Variants in ROS1 observed in about 807,000 individuals in gnomAD.
ROS1 encodes the protein ROS proto-oncogene 1, receptor tyrosine kinase.
Under a neutral mutation model 273.5 loss-of-function variants are expected in ROS1, and 263 were observed. That is an observed-to-expected ratio of 0.96 (90% CI 0.87 to 1.06). The LOEUF is 1.06. ROS1 is among the 50% of genes least tolerant of loss of function. ROS1 has a pLI of 0.00. For missense variants in ROS1, 2,833 were observed against 2,751.1 expected (o/e 1.03, Z -0.67); for synonymous variants, 1,008 against 954.1 (o/e 1.06, Z -1.04).
chr6:117,394,738 A>G lies in ROS1; in HGVS notation c.884T>C (p.Val295Ala), dbSNP rs1322402703. The change falls in exon 10 of 44, where the codon GTT (valine) becomes GCT (alanine). Residue 295 changes from valine to alanine, a missense_variant and splice_region_variant. Transcript: ENST00000368507. ...ESSITTSSSA[V>A]QQEEQWLFLS... is the part of the protein sequence containing the mutation. ...AAAGAGCCACTGTTCCTCTTGTTGAACTGAAAAAAACAACACAATTTGCAG... is the reference window on the plus strand; with the variant it reads ...AAAGAGCCACTGTTCCTCTTGTTGAGCTGAAAAAAACAACACAATTTGCAG... The G allele has an allele frequency of 8.1e-6, 13 of 1,604,952 alleles. No homozygotes were observed. The highest frequency in any genetic ancestry group is 1.0e-5 in the Non-Finnish European group (12 of 1,176,702).
chr6:117,318,156 C>T (rs763091030), intron 38 of ROS1, 32 bp downstream of exon 38: 1 of 1,561,722 alleles, frequency 6.4e-7, no homozygotes. Context: ...AAACTTCTTA[C>T]CCATACCAGG....
chr6:117,413,129 A>AT (rs1775059130), intron 4 of ROS1, among the ~76,000 whole-genome samples: 1 of 152,052 alleles, frequency 6.6e-6, no homozygotes, highest in African/African-American at 2.4e-5. Flanking sequence ...TGCCAATTTA[A>AT]TTTTTTGTTT....
chr6:117,367,156 A>T (rs559722240), intron 18 of ROS1, among the ~76,000 whole-genome samples: 1 of 152,206 alleles, frequency 6.6e-6, no homozygotes, highest in African/African-American at 2.4e-5. Flanking sequence ...AAATTAGCCT[A>T]TAGATGTGAA....
In ROS1 at chr6:117,311,079, G is replaced by A. The variant is rs2128549948; in HGVS notation, c.6156C>T (p.Asp2052=). The A allele has an allele frequency of 6.2e-7, 1 of 1,610,832 alleles. No homozygotes were observed. The highest frequency in any genetic ancestry group is 8.5e-7 in the Non-Finnish European group (1 of 1,178,484). ...GPLLTLVDLV[D]LCVDISKGCV... ...AGCCTTTTGAAATATCTACACACAG[G>A]TCTACAAGGTCAACCAAGGTGAGTA... The change falls in exon 40 of 44, where the codon GAC becomes GAT. Residue 2052 remains aspartate, a synonymous_variant. Transcript: ENST00000368507.
intron 9 of ROS1, among the ~76,000 whole-genome samples, chr6:117,395,822 A>G (rs1773442372): frequency 6.6e-6 from 1 of 151,956 alleles, no homozygotes; most frequent in African/African-American, 2.4e-5. Flanking sequence ...ATATTAAATA[A>G]TTATATATAA....
intron 39 of ROS1, among the ~76,000 whole-genome samples, chr6:117,315,872 T>G (rs1440942276): frequency 6.6e-6 from 1 of 152,064 alleles, no homozygotes; most frequent in South Asian, 2.1e-4. Flanking sequence ...AATTAAGTAC[T>G]AGATTGTCTG....
intron 23 of ROS1, 41 bp downstream of exon 23, chr6:117,360,301 C>T (rs997445495): frequency 6.9e-7 from 1 of 1,441,552 alleles, no homozygotes; most frequent in Non-Finnish European, 9.7e-7. Context: ...CACACACACG[C>T]CTCTAAATTA....
chr6:117,382,996 G>T (rs187045085), intron 17 of ROS1, among the ~76,000 whole-genome samples: 31 of 152,194 alleles, frequency 2.0e-4, no homozygotes, highest in Non-Finnish European at 1.5e-5. Flanking sequence ...TTCAACAGAA[G>T]TCCTTAAGAC....
chr6:117,297,123 A>G (rs1002829859), intron 43 of ROS1, among the ~76,000 whole-genome samples: 3 of 152,176 alleles, frequency 2.0e-5, no homozygotes, highest in African/African-American at 7.2e-5. Flanking sequence ...ACTGGGGAGA[A>G]AAACACCCCT....
Position 117,362,744 on chromosome 6 carries a change from T to C in ROS1, c.3225A>G (p.Thr1075=). The change falls in exon 22 of 44, where the codon ACA becomes ACG. Residue 1075 remains threonine, a synonymous_variant. Transcript: ENST00000368507. ...ATATATTGTAGAAAATTTCAAATTT[T>C]GTTAACACCCCATTTTCATGCTTAG... is the stretch of plus-strand genomic sequence containing the variant. ...NKPKHENGVL[T]KFEIFYNISN... The C allele has an allele frequency of 1.2e-6, 2 of 1,613,880 alleles. No individual in the cohort carries two copies. Among genetic ancestry groups the C allele is most frequent in the Non-Finnish European group, 8.5e-7 (1 of 1,179,830 alleles).
intron 32 of ROS1, among the ~76,000 whole-genome samples, chr6:117,336,202 G>T (rs1049284543): frequency 7.9e-5 from 12 of 151,772 alleles, no homozygotes; most frequent in Non-Finnish European, 1.5e-4. Flanking sequence ...ACATGTGCAG[G>T]ACGTGAAGGT....
chr6:117,362,926 T>G, intron 21 of ROS1, 61 bp from the exon 22 acceptor site: 3 of 1,335,922 alleles, frequency 2.2e-6, no homozygotes, highest in Non-Finnish European at 3.0e-6. Flanking sequence ...AATATAAGAC[T>G]TTTACCACTT....
chr6:117,416,453 C>T (rs1417645068), intron 2 of ROS1, 136 bp from the exon 3 acceptor site: 3 of 647,576 alleles, frequency 4.6e-6, no homozygotes, highest in Non-Finnish European at 5.5e-6. Flanking sequence ...AACCTGAGGC[C>T]TCCAAAAGAT....
intron 36 of ROS1, among the ~76,000 whole-genome samples, chr6:117,320,819 T>A (rs1233135130): frequency 6.6e-6 from 1 of 152,168 alleles, no homozygotes; most frequent in Non-Finnish European, 1.5e-5. Context: ...GCAACAAAAG[T>A]TCAAAACTCA....
chr6:117,405,373 ATTC>A (rs544201397), intron 5 of ROS1, among the ~76,000 whole-genome samples: 5 of 152,340 alleles, frequency 3.3e-5, no homozygotes, highest in South Asian at 2.1e-4. Flanking sequence ...TTCTCTGCTT[ATTC>A]TTCTTTTTAT....
intron 7 of ROS1, among the ~76,000 whole-genome samples, chr6:117,401,507 T>C (rs1562368358): frequency 6.6e-6 from 1 of 152,176 alleles, no homozygotes; most frequent in Non-Finnish European, 1.5e-5. Flanking sequence ...CCTGCAGCCA[T>C]CTTCTGGCCG....
intron 26 of ROS1, among the ~76,000 whole-genome samples, chr6:117,356,178 G>A (rs1200094284): frequency 1.3e-5 from 2 of 152,114 alleles, no homozygotes; most frequent in Admixed American, 6.5e-5. Flanking sequence ...AATAATTTAG[G>A]ATAGTGGGAA....
At chr6:117,325,347 C>T (rs1242212770) in intron 34 of ROS1, among the ~76,000 whole-genome samples, 2 of 152,070 alleles carry the variant, frequency 1.3e-5, no homozygotes, top group Admixed American at 6.6e-5. Flanking sequence ...GACCTGTATT[C>T]TAGGCTGAGG....
intron 37 of ROS1, among the ~76,000 whole-genome samples, chr6:117,319,099 C>G (rs1358568113): frequency 4.6e-5 from 7 of 152,142 alleles, no homozygotes; most frequent in African/African-American, 1.4e-4. Context: ...CAATAAATCT[C>G]TAATAAGCAG....
Sources: allele counts gnomAD v4.1 joint callset (sites outside exome capture counted in the v4.1 genomes callset), GRCh38; gene constraint gnomAD v4.1.1; transcripts MANE v1.5; gene names NCBI Gene and HGNC (gene_info 2026-07-23, HGNC 2026-07-21).